EIF3A: variants seen among roughly 807,000 people sequenced by gnomAD.
EIF3A encodes the protein EIF3, p180 subunit.
A neutral mutation model predicts 186.6 loss-of-function variants in EIF3A; 21 were observed. The ratio of observed to expected loss-of-function variants is 0.11; its 90% CI spans 0.08 to 0.16. The LOEUF is 0.16. Among genes scored for constraint, EIF3A ranks in the 10% least tolerant of loss-of-function variants. EIF3A has a pLI of 1.00. For missense variants in EIF3A, 1,306 were observed against 1,796.3 expected (o/e 0.73, Z 4.93); for synonymous variants, 563 against 584.3 (o/e 0.96, Z 0.52).
At chr10:119,041,275 A>G (rs749137495) in intron 19 of EIF3A, among the ~76,000 whole-genome samples, 5 of 152,098 alleles carry the variant, frequency 3.3e-5, no homozygotes, top group African/African-American at 4.8e-5. Flanking sequence ...CAGGACTAAG[A>G]AAAAAAATGA....
At chr10:119,039,970 AAATAT>A (rs1229580818) in intron 19 of EIF3A, among the ~76,000 whole-genome samples, 8 of 152,210 alleles carry the variant, frequency 5.3e-5, no homozygotes, top group African/African-American at 1.9e-4. Context: ...CAACTGTATA[AAATAT>A]AATTAGCAAA....
Position 119,080,647 on chromosome 10 carries a change from A to G in EIF3A, c.30T>C (p.Asn10=). The G allele has an allele frequency of 6.3e-7, 1 of 1,596,182 alleles. No homozygotes were observed. Among genetic ancestry groups the G allele is most frequent in the Non-Finnish European group, 8.5e-7 (1 of 1,172,820 alleles). The change falls in exon 1 of 22, where the codon AAT becomes AAC. Residue 10 remains asparagine, a synonymous_variant. Coordinates refer to ENST00000369144, the MANE Select transcript of EIF3A (RefSeq NM_003750.4). ...ACTCACCGTTGGCGCGTTTGAGGGCATTTTCCGGCCTCTGAAAATAGGCCG... is the reference window on the plus strand; with the variant it reads ...ACTCACCGTTGGCGCGTTTGAGGGCGTTTTCCGGCCTCTGAAAATAGGCCG... MPAYFQRPE[N]ALKRANEFLE...
chr10:119,055,849 C>A (rs1463371773), intron 14 of EIF3A, among the ~76,000 whole-genome samples: 1 of 152,170 alleles, frequency 6.6e-6, no homozygotes, highest in Non-Finnish European at 1.5e-5. Flanking sequence ...TGATATATGG[C>A]TATTTCTTTT....
chr10:119,057,927 A>G (rs1371139610), intron 12 of EIF3A, 29 bp downstream of exon 12: 1 of 1,569,028 alleles, frequency 6.4e-7, no homozygotes, highest in Non-Finnish European at 8.7e-7. Flanking sequence ...GGATAAAACT[A>G]ATTTTTTAAT....
intron 19 of EIF3A, among the ~76,000 whole-genome samples, chr10:119,038,645 C>T (rs1449179789): frequency 2.0e-5 from 3 of 152,018 alleles, no homozygotes; most frequent in Admixed American, 1.3e-4. Flanking sequence ...TAAAATGGGC[C>T]GGGCATGGTG....
intron 15 of EIF3A, 55 bp downstream of exon 15, chr10:119,051,132 GGGAGAACCCTTA>G: frequency 7.1e-7 from 1 of 1,412,316 alleles, no homozygotes; most frequent in East Asian, 2.4e-5. Context: ...AATTTGTTAA[GGGAGAACCCTTA>G]GGCCAATACT....
At chr10:119,074,801 T>G (rs1000219390) in intron 1 of EIF3A, among the ~76,000 whole-genome samples, 2 of 149,230 alleles carry the variant, frequency 1.3e-5, no homozygotes, top group Admixed American at 6.7e-5. Flanking sequence ...GGCGTAGTGG[T>G]GCATGCCTGC....
Position 119,042,660 on chromosome 10 carries a change from C to T in EIF3A, c.2860G>A (p.Asp954Asn), listed in dbSNP as rs761041318. The change falls in exon 19 of 22, where the codon GAT (aspartate) becomes AAT (asparagine). Residue 954 changes from aspartate (D) to asparagine (N), a missense_variant. Coordinates refer to ENST00000369144, the MANE Select transcript of EIF3A (RefSeq NM_003750.4). This position sits in a 1 kb window ranked among gnomAD's most constrained non-coding sequence, Gnocchi z 7.8. Reference protein sequence around the residue: ...EDREPSLRPDDDRVPRRGMDD... With the variant: ...EDREPSLRPDNDRVPRRGMDD... ...ATGCCACGCCGGGGAACCCGATCAT[C>T]GTCTGGTCTAAGAGAGGGCTCTCTA... 1.1e-5 allele frequency: 17 copies of T among 1,614,094 alleles called. 1 individual carries two copies. In the South Asian group the frequency reaches 1.1e-4, roughly 10 times the overall value.
Position 119,042,294 on chromosome 10 carries a change from C to G in EIF3A, c.3226G>C (p.Asp1076His), listed in dbSNP as rs367644732. Residue 1076 changes from aspartate (D) to histidine (H), a missense_variant, in exon 19 of 22, where the codon GAT becomes CAT. Physicochemically the swap from Asp to His is moderately conservative, Grantham distance 81. Coordinates refer to ENST00000369144, the MANE Select transcript of EIF3A (RefSeq NM_003750.4). This position sits in a 1 kb window ranked among gnomAD's most constrained non-coding sequence, Gnocchi z 7.8. ...DRGPRRGLDD[D>H]RGPRRGMDDD... is the part of the protein sequence containing the mutation. ...TCCATGCCTCGCCTGGGACCCCGAT[C>G]ATCATCCAACCCTCGCCTGGGACCC... 1 of 1,613,800 alleles carries G rather than the reference C, an allele frequency of 6.2e-7. No individual in the cohort carries two copies. The highest frequency in any genetic ancestry group is 1.3e-5 in the African/African-American group (1 of 74,824).
intron 9 of EIF3A, chr10:119,059,924 T>C (rs1226503940): frequency 3.3e-6 from 2 of 612,696 alleles, no homozygotes; most frequent in Non-Finnish European, 5.9e-6. Context: ...CTCAAACCTA[T>C]AATCTTTTCA....
chr10:119,054,470 T>C (rs1448030901), intron 14 of EIF3A, among the ~76,000 whole-genome samples: 1 of 151,216 alleles, frequency 6.6e-6, no homozygotes. Context: ...ATCCCAGCAC[T>C]TTGGGAGGCC....
At position 119,056,996 on chromosome 10, in the gene EIF3A, A is replaced by C; in HGVS notation, c.2022T>G (p.Val674=). The C allele has an allele frequency of 6.2e-7, 1 of 1,613,086 alleles. No homozygotes were observed. The highest frequency in any genetic ancestry group is 1.1e-5 in the South Asian group (1 of 90,866). Residue 674 remains valine (V), a synonymous_variant, in exon 13 of 22, where the codon GTT becomes GTG. Coordinates refer to ENST00000369144, the MANE Select transcript of EIF3A (RefSeq NM_003750.4). The stretch of plus-strand genomic sequence containing the variant: ...CTTTCTTTTCTTTCTCCAGTTGTTC[A>C]ACCTGTTTAGCCATGATAAAATCTG... ...LDPDFIMAKQ[V]EQLEKEKKEL...
chr10:119,044,226 TG>T, intron 17 of EIF3A, 84 bp from the exon 18 acceptor site: 5 of 947,754 alleles, frequency 5.3e-6, no homozygotes, highest in Non-Finnish European at 8.4e-6. Context: ...AAATATTTTT[TG>T]TACTTATAAC....
At chr10:119,037,084 T>C in intron 21 of EIF3A, 35 bp downstream of exon 21, 5 of 546,464 alleles carry the variant, frequency 9.1e-6, no homozygotes, top group South Asian at 5.8e-5. Flanking sequence ...GAAACGACAG[T>C]TCTCCAATAC....
intron 3 of EIF3A, 101 bp from the exon 4 acceptor site, chr10:119,073,154 TC>T: frequency 8.6e-7 from 1 of 1,156,970 alleles, no homozygotes; most frequent in Non-Finnish European, 1.2e-6. Context: ...TGCAAATTCT[TC>T]CCACAATATG....
intron 17 of EIF3A, among the ~76,000 whole-genome samples, chr10:119,045,509 C>A (rs1226199899): frequency 6.6e-6 from 1 of 152,166 alleles, no homozygotes; most frequent in Non-Finnish European, 1.5e-5. Context: ...GAAGGCCAAG[C>A]TTCTCCCACC....
At position 119,035,737 on chromosome 10, in the gene EIF3A, TACTC is replaced by T. The variant is rs1424792697; in HGVS notation, c.*298_*301del. On this transcript the variant is annotated 3_prime_UTR_variant, in exon 22 of 22. Transcript: ENST00000369144. ...CAGTTCTATACCAAGATAAAGGTGT[TACTC>T]AATACCTGAAGGGTCACATTTTAAA... 224 of 266,584 alleles carry T rather than the reference TACTC, an allele frequency of 8.4e-4. 2 individuals carry two copies. The highest frequency in any genetic ancestry group is 1.6e-3 in the African/African-American group (71 of 45,380). 16.5% of individuals were successfully genotyped at this position (266,584 alleles called of 1,614,324 possible).
In EIF3A at chr10:119,035,801, G is replaced by C. The variant is rs1396407410; in HGVS notation, c.*238C>G. On this transcript the variant is annotated 3_prime_UTR_variant, in exon 22 of 22. Coordinates refer to ENST00000369144, the MANE Select transcript of EIF3A (RefSeq NM_003750.4). ...TAGTTTTTCTTTTTTGTCAACAAATGATTGATGAAATAATGCAACACCCTT... is the reference window on the plus strand; with the variant it reads ...TAGTTTTTCTTTTTTGTCAACAAATCATTGATGAAATAATGCAACACCCTT... The C allele has an allele frequency of 4.7e-6, 2 of 423,494 alleles. No individual in the cohort carries two copies. Among genetic ancestry groups the C allele is most frequent in the Admixed American group, 3.9e-5 (1 of 25,714 alleles). The allele number at this position is 423,494 out of a possible 1,614,324, so 26.2% of individuals were successfully genotyped here.
At chr10:119,077,746 G>T (rs770644476) in intron 1 of EIF3A, among the ~76,000 whole-genome samples, 3 of 151,846 alleles carry the variant, frequency 2.0e-5, no homozygotes, top group African/African-American at 7.3e-5. Context: ...TACTAGAGAC[G>T]GTTTCACTGT....
Sources: gnomAD v4.1 joint callset for allele counts (sites outside exome capture counted in the v4.1 genomes callset) on GRCh38, gnomAD v4.1.1 for gene constraint, Gnocchi (gnomAD v3.1) non-coding constraint, MANE v1.5 for transcripts, NCBI Gene and HGNC (gene_info 2026-07-23, HGNC 2026-07-21) for gene names.